ADGRL3: variants seen among roughly 807,000 people sequenced by gnomAD.
ADGRL3 encodes the protein adhesion G protein-coupled receptor L3.
A neutral mutation model predicts 153.5 loss-of-function variants in ADGRL3; 62 were observed. The ratio of observed to expected loss-of-function variants is 0.40; its 90% CI spans 0.33 to 0.50. The LOEUF (loss-of-function observed/expected upper bound fraction) is 0.50. Ranked by LOEUF, ADGRL3 falls within the 20% of genes least tolerant of loss-of-function variation. The pLI, the probability that ADGRL3 is intolerant of heterozygous loss-of-function variation, is 0.47. For missense variants in ADGRL3, 1,641 were observed against 1,859.4 expected, an observed-to-expected ratio of 0.88 and a Z score of 2.16; for synonymous variants, 710 against 672.5, an observed-to-expected ratio of 1.06 and a Z score of -0.86.
chr4:61,500,578 C>T (rs192065347), intron 3 of ADGRL3, among the ~76,000 whole-genome samples: 1 of 152,292 alleles, frequency 6.6e-6, no homozygotes, highest in East Asian at 1.9e-4. Context: ...TTGGTTCCAA[C>T]ATGTCCTCTG....
intron 13 of ADGRL3, among the ~76,000 whole-genome samples, chr4:61,920,927 A>G (rs1384884476): frequency 6.6e-6 from 1 of 152,166 alleles, no homozygotes; most frequent in Non-Finnish European, 1.5e-5. Context: ...GTCTAACACA[A>G]GAGGGATATT....
At chr4:61,862,413 G>T (rs556411160) in intron 9 of ADGRL3, among the ~76,000 whole-genome samples, 1 of 152,284 alleles carries the variant, frequency 6.6e-6, no homozygotes, top group South Asian at 2.1e-4. Context: ...AGCCGGCATG[G>T]CCCACTTTTT....
chr4:61,480,720 T>C (rs1420645324), intron 2 of ADGRL3, among the ~76,000 whole-genome samples: 1 of 151,948 alleles, frequency 6.6e-6, no homozygotes, highest in African/African-American at 2.4e-5. Context: ...GAGGCAGAGG[T>C]TGCCATGAGC....
chr4:61,859,125 C>T (rs907483921), intron 9 of ADGRL3, among the ~76,000 whole-genome samples: 1 of 152,104 alleles, frequency 6.6e-6, no homozygotes, highest in Non-Finnish European at 1.5e-5. Context: ...TCCCAGCCTT[C>T]TTTGTATTTT....
At chr4:61,915,907 A>C (rs533106307) in intron 13 of ADGRL3, among the ~76,000 whole-genome samples, 4 of 151,938 alleles carry the variant, frequency 2.6e-5, no homozygotes, top group African/African-American at 7.2e-5. Flanking sequence ...AGTCATCATA[A>C]TTGTTTTTTT....
chr4:61,574,583 C>T (rs1309128365), intron 4 of ADGRL3, among the ~76,000 whole-genome samples: 1 of 151,496 alleles, frequency 6.6e-6, no homozygotes, highest in Non-Finnish European at 1.5e-5. Flanking sequence ...TAGAGCACAG[C>T]CAAGTTGTCA....
intron 6 of ADGRL3, among the ~76,000 whole-genome samples, chr4:61,698,927 T>C (rs1336084392): frequency 6.6e-6 from 1 of 152,232 alleles, no homozygotes; most frequent in Admixed American, 6.5e-5. Flanking sequence ...TTAGTTTATC[T>C]TGAAGCTTTA....
chr4:61,615,100 T>C (rs2091844965), intron 5 of ADGRL3, among the ~76,000 whole-genome samples: 2 of 152,128 alleles, frequency 1.3e-5, no homozygotes, highest in South Asian at 4.1e-4. Context: ...AAAGAGAAGC[T>C]ATTAATTTAT....
chr4:61,448,826 AG>A (rs2097630828), intron 2 of ADGRL3, among the ~76,000 whole-genome samples: 3 of 54,442 alleles, frequency 5.5e-5, no homozygotes, highest in African/African-American at 6.2e-5. Context: ...GAAGGAAGGA[AG>A]AAGGGAGGGA....
At chr4:61,734,663 A>G (rs1189882722) in intron 8 of ADGRL3, among the ~76,000 whole-genome samples, 1 of 152,164 alleles carries the variant, frequency 6.6e-6, no homozygotes, top group Non-Finnish European at 1.5e-5. Flanking sequence ...ATTCAAGATG[A>G]GATTTGGGTA....
intron 4 of ADGRL3, among the ~76,000 whole-genome samples, chr4:61,545,752 T>C (rs1290191841): frequency 1.3e-5 from 2 of 152,150 alleles, no homozygotes; most frequent in African/African-American, 4.8e-5. Context: ...TGACCTCAGG[T>C]GATCTTCCTG....
intron 9 of ADGRL3, among the ~76,000 whole-genome samples, chr4:61,870,677 T>C (rs953825546): frequency 2.0e-5 from 3 of 152,130 alleles, no homozygotes; most frequent in Non-Finnish European, 4.4e-5. Flanking sequence ...AAATGGCCAA[T>C]AAGCACTTAT....
At chr4:61,489,711 C>T (rs2098236497) in intron 2 of ADGRL3, among the ~76,000 whole-genome samples, 1 of 151,864 alleles carries the variant, frequency 6.6e-6, no homozygotes, top group African/African-American at 2.4e-5. Flanking sequence ...TATTAATATA[C>T]TGATTCATTT....
intron 1 of ADGRL3, among the ~76,000 whole-genome samples, chr4:61,288,109 T>C (rs1212963044): frequency 6.6e-6 from 1 of 151,990 alleles, no homozygotes; most frequent in Non-Finnish European, 1.5e-5. Context: ...AGCCCAGTTC[T>C]GTTGGGAGAG....
intron 8 of ADGRL3, among the ~76,000 whole-genome samples, chr4:61,761,906 G>T (rs1234386248): frequency 6.6e-6 from 1 of 152,124 alleles, no homozygotes; most frequent in Non-Finnish European, 1.5e-5. Context: ...ACTCCAGCCT[G>T]GGCAACAGAG....
At position 61,897,127 on chromosome 4, in the gene ADGRL3, C is replaced by G. The variant is rs542443636; in HGVS notation, c.1887+1293C>G. Among the ~76,000 whole-genome samples, 7 of 152,258 alleles carry G rather than the reference C, an allele frequency of 4.6e-5. No homozygotes were observed. The South Asian group carries it at 1.4e-3, about 32-fold the overall frequency. Reference sequence around the variant, plus strand: ...TCTTAGGACAAAAGATAATTCCTTTCAAAGACCAGACAGCTGTTGTCCATC... The same window carrying G: ...TCTTAGGACAAAAGATAATTCCTTTGAAAGACCAGACAGCTGTTGTCCATC... On this transcript the variant is annotated intron_variant, in intron 11 of 26. Transcript: ENST00000683033.
intron 18 of ADGRL3, among the ~76,000 whole-genome samples, chr4:61,981,892 A>G (rs1356166498): frequency 1.3e-5 from 2 of 152,156 alleles, no homozygotes; most frequent in African/African-American, 4.8e-5. Context: ...AAAGGGTACA[A>G]TTATGGTGAT....
intron 1 of ADGRL3, among the ~76,000 whole-genome samples, chr4:61,365,674 G>A (rs2096382255): frequency 6.6e-6 from 1 of 152,224 alleles, no homozygotes; most frequent in Non-Finnish European, 1.5e-5. Context: ...CTGAATCTCT[G>A]CAGGCAAATC....
Position 61,892,726 on chromosome 4 carries a change from G to C in ADGRL3, c.1551G>C (p.Leu517Phe). 2 of 1,613,878 alleles carry C rather than the reference G, an allele frequency of 1.2e-6. No individual in the cohort carries two copies. Among genetic ancestry groups the C allele is most frequent in the South Asian group, 1.1e-5 (1 of 91,068 alleles). Reference sequence around the variant, plus strand: ...GTACCACCCTTCGGACCACAACTTTGAGCCCAGGAAGGAGTACCACCCCGT... The same window carrying C: ...GTACCACCCTTCGGACCACAACTTTCAGCCCAGGAAGGAGTACCACCCCGT... ...TTSTTLRTTT[L>F]SPGRSTTPSV... The change falls in exon 10 of 27, where the codon TTG (leucine) becomes TTC (phenylalanine). Residue 517 changes from leucine (L) to phenylalanine (F), a missense_variant. Leu to Phe is a conservative substitution (Grantham distance 22). Around this residue, in one of 5 missense-constraint regions of ADGRL3, gnomAD observed 734 missense variants for 797.0 expected, o/e 0.92. Transcript: ENST00000683033.
Sources: gnomAD v4.1 joint callset for allele counts (sites outside exome capture counted in the v4.1 genomes callset) on GRCh38, gnomAD v4.1.1 for gene constraint, gnomAD v4.1.1 regional missense constraint, MANE v1.5 for transcripts, NCBI Gene and HGNC (gene_info 2026-07-23, HGNC 2026-07-21) for gene names.